BPIFB4: variants seen among roughly 807,000 people sequenced by gnomAD.
BPIFB4 encodes the protein BPI fold-containing family B member 4.
A neutral mutation model predicts 69.2 loss-of-function variants in BPIFB4; 62 were observed. The observed-to-expected ratio is 0.90, with a 90% CI of 0.73 to 1.11. BPIFB4 has a LOEUF of 1.11. Among genes scored for constraint, BPIFB4 ranks in the 50% least tolerant of loss-of-function variants. BPIFB4 has a pLI of 0.00. For synonymous variants in BPIFB4, 330 were observed against 332.7 expected (o/e 0.99, Z 0.09); for missense variants, 789 against 792.0 (o/e 1.00, Z 0.04).
chr20:33,083,097 T>G, intron 4 of BPIFB4, 97 bp downstream of exon 4: 1 of 169,370 alleles, frequency 5.9e-6, no homozygotes, highest in Non-Finnish European at 1.1e-5. Flanking sequence ...CTGGGGGGCC[T>G]GCTTGGTGGT....
At chr20:33,085,096 T>C in intron 6 of BPIFB4, 100 bp downstream of exon 6, 2 of 1,505,220 alleles carry the variant, frequency 1.3e-6, no homozygotes, top group South Asian at 2.5e-5. Context: ...TGCCAGTGCA[T>C]GCCCACAGAC....
At chr20:33,108,228 C>T (rs192119246) in intron 17 of BPIFB4, among the ~76,000 whole-genome samples, 124 of 152,192 alleles carry the variant, frequency 8.1e-4, no homozygotes, top group African/African-American at 2.9e-3. Flanking sequence ...CCTTGCAAAG[C>T]TCTCTTAGCC....
At position 33,095,002 on chromosome 20, in the gene BPIFB4, G is replaced by A. The variant is rs138780444; in HGVS notation, c.1345-98G>A. On this transcript the variant is annotated intron_variant, in intron 11 of 17. Coordinates refer to ENST00000375483, the MANE Select transcript of BPIFB4 (RefSeq NM_182519.3). ...AGAGAAGACGAAGACGCCCTGCTGGGTGTTGTAAAGCATGTAGGAGTTTAA... is the reference window on the plus strand; with the variant it reads ...AGAGAAGACGAAGACGCCCTGCTGGATGTTGTAAAGCATGTAGGAGTTTAA... The A allele has an allele frequency of 2.5e-4, 296 of 1,202,902 alleles. No individual in the cohort carries two copies. The African/African-American group carries it at 4.1e-3, about 16-fold the overall frequency. 74.5% of individuals were successfully genotyped at this position (1,202,902 alleles called of 1,614,324 possible).
chr20:33,108,421 G>A (rs6119322), intron 17 of BPIFB4, among the ~76,000 whole-genome samples: 3 of 44,668 alleles, frequency 6.7e-5, no homozygotes, highest in African/African-American at 1.1e-4. Context: ...ATATATATAT[G>A]TCTATATATA....
intron 7 of BPIFB4, among the ~76,000 whole-genome samples, chr20:33,088,640 G>A (rs1352040667): frequency 6.6e-6 from 1 of 152,228 alleles, no homozygotes; most frequent in Non-Finnish European, 1.5e-5. Context: ...TGACCCATTT[G>A]AGGGTCAGAT....
At chr20:33,087,754 A>ACACACACACACACACAC (rs1555882747) in intron 7 of BPIFB4, among the ~76,000 whole-genome samples, 1 of 28,894 alleles carries the variant, frequency 3.5e-5, no homozygotes, top group African/African-American at 1.5e-4. Context: ...ACACACACAC[A>ACACACACACACACACAC]AGCATGCATG....
Position 33,092,441 on chromosome 20 carries a change from C to G in BPIFB4, c.1144-17C>G. On this transcript the variant is annotated splice_polypyrimidine_tract_variant and intron_variant, in intron 10 of 17. Transcript: ENST00000375483. The stretch of plus-strand genomic sequence containing the variant: ...TCTTCTCCCTCCCTGTGACCCCTTT[C>G]TTCTCTTCTCCCCCAGACGCTGGTT... The G allele has an allele frequency of 6.2e-7, 1 of 1,603,954 alleles. No homozygotes were observed.
chr20:33,107,270 A>C (rs985431988), intron 16 of BPIFB4, among the ~76,000 whole-genome samples: 2 of 150,990 alleles, frequency 1.3e-5, no homozygotes, highest in African/African-American at 4.9e-5. Flanking sequence ...GAGAAAAGAG[A>C]AAAGGGAAAA....
At chr20:33,102,269 C>T (rs999525484) in intron 14 of BPIFB4, among the ~76,000 whole-genome samples, 2 of 152,232 alleles carry the variant, frequency 1.3e-5, no homozygotes, top group Non-Finnish European at 2.9e-5. Flanking sequence ...TTAGAAGGTA[C>T]CTTTATTTCC....
chr20:33,086,204 G>T, intron 7 of BPIFB4, 40 bp downstream of exon 7: 2 of 1,588,554 alleles, frequency 1.3e-6, no homozygotes, highest in Non-Finnish European at 8.6e-7. Context: ...GGGGGTTGCT[G>T]GAATGGTCTG....
chr20:33,089,093 T>C, intron 8 of BPIFB4, 64 bp downstream of exon 8: 1 of 1,610,574 alleles, frequency 6.2e-7, no homozygotes, highest in South Asian at 1.1e-5. Flanking sequence ...GGGGCCATAG[T>C]CCAGCCTCCA....
chr20:33,106,101 G>A (rs774652219), intron 16 of BPIFB4, among the ~76,000 whole-genome samples: 2 of 152,176 alleles, frequency 1.3e-5, no homozygotes, highest in Admixed American at 1.3e-4. Flanking sequence ...AGTCCTGCTG[G>A]AATAGAGAAG....
chr20:33,101,723 T>C (rs1227722744), intron 14 of BPIFB4, among the ~76,000 whole-genome samples: 1 of 152,112 alleles, frequency 6.6e-6, no homozygotes, highest in Non-Finnish European at 1.5e-5. Context: ...TTTTTATATT[T>C]CTAGTAGAGA....
Position 33,099,352 on chromosome 20 carries a change from G to A in BPIFB4, c.1570-1074G>A, listed in dbSNP as rs113748272. On this transcript the variant is annotated intron_variant, in intron 13 of 17. Coordinates refer to ENST00000375483, the MANE Select transcript of BPIFB4 (RefSeq NM_182519.3). ...GATTAAAGGGTCGATTCTAGCCCAC[G>A]AGTGGGAATGGCTGTCCCAATCTGT... Among the ~76,000 whole-genome samples, 67 of 152,262 alleles carry A rather than the reference G, an allele frequency of 4.4e-4. 1 individual carries two copies. Among genetic ancestry groups the A allele is most frequent in the African/African-American group, 1.6e-3 (66 of 41,554 alleles).
At chr20:33,084,018 G>C in intron 5 of BPIFB4, 144 bp downstream of exon 5, 1 of 1,002,918 alleles carries the variant, frequency 1.0e-6, no homozygotes, top group Non-Finnish European at 1.4e-6. Context: ...GAAGTTTTAA[G>C]ACCCCCAAGT....
At chr20:33,108,439 A>G (rs1982139242) in intron 17 of BPIFB4, among the ~76,000 whole-genome samples, 1 of 139,656 alleles carries the variant, frequency 7.2e-6, no homozygotes, top group East Asian at 1.9e-4. Context: ...ATATATATAG[A>G]CATATATACA....
At chr20:33,089,936 T>C (rs944219764) in intron 9 of BPIFB4, among the ~76,000 whole-genome samples, 5 of 152,148 alleles carry the variant, frequency 3.3e-5, no homozygotes, top group Non-Finnish European at 5.9e-5. Context: ...CTCAAATCTC[T>C]CAATTCACAG....
At position 33,085,561 on chromosome 20, in the gene BPIFB4, T is replaced by C. The variant is rs376028789; in HGVS notation, c.783-460T>C. Among the ~76,000 whole-genome samples the C allele has an allele frequency of 2.6e-5, 4 of 152,336 alleles. No individual in the cohort carries two copies. The South Asian group carries it at 6.2e-4, about 24-fold the overall frequency. ...GTGACCTTGGGCCAGTCCCCCAGTG[T>C]CACTAAATCTTAGTGTCTTCACTGG... On this transcript the variant is annotated intron_variant, in intron 6 of 17. Transcript: ENST00000375483.
chr20:33,097,535 T>C (rs1981788248), intron 12 of BPIFB4, 82 bp from the exon 13 acceptor site: 3 of 1,411,592 alleles, frequency 2.1e-6, no homozygotes, highest in African/African-American at 1.4e-5. Context: ...CCCGGTGCTC[T>C]GTGTTTAGAG....
Sources: allele counts gnomAD v4.1 joint callset (sites outside exome capture counted in the v4.1 genomes callset), GRCh38; gene constraint gnomAD v4.1.1; transcripts MANE v1.5; gene names NCBI Gene and HGNC (gene_info 2026-07-23, HGNC 2026-07-21).